ZDHHC3: variants seen among roughly 807,000 people sequenced by gnomAD.
ZDHHC3 encodes the protein zDHHC palmitoyltransferase 3, also known as palmitoyltransferase ZDHHC3.
A neutral mutation model predicts 30.6 loss-of-function variants in ZDHHC3; 9 were observed. That is an observed-to-expected ratio of 0.29 (90% CI 0.18 to 0.51). ZDHHC3 has a LOEUF of 0.51. ZDHHC3 is among the 20% of genes least tolerant of loss of function. The pLI, the probability that ZDHHC3 is intolerant of heterozygous loss-of-function variation, is 0.97. For missense variants in ZDHHC3, 246 were observed against 384.2 expected (o/e 0.64, Z 3.01); for synonymous variants, 136 against 140.2 (o/e 0.97, Z 0.21).
intron 3 of ZDHHC3, among the ~76,000 whole-genome samples, chr3:44,936,625 T>A (rs2125837347): frequency 6.6e-6 from 1 of 152,190 alleles, no homozygotes; most frequent in South Asian, 2.1e-4. Flanking sequence ...TCAACCTAAA[T>A]GATGACAGAT....
At position 44,939,292 on chromosome 3, in the gene ZDHHC3, T is replaced by C. The variant is rs576174743; in HGVS notation, c.432-5308A>G. ...TACCACTTTTAAAAATACACATGAA[T>C]ATACATATAAGTATACATGCAGAAT... On this transcript the variant is annotated intron_variant, in intron 3 of 6. Coordinates refer to ENST00000424952, the MANE Select transcript of ZDHHC3 (RefSeq NM_001135179.2). 2.0e-5 allele frequency among the ~76,000 whole-genome samples: 3 copies of C among 152,370 alleles called. No individual in the cohort carries two copies. The South Asian group carries it at 6.2e-4, about 32-fold the overall frequency.
At chr3:44,962,542 A>AGGAAGGAC (rs749711524) in intron 1 of ZDHHC3, among the ~76,000 whole-genome samples, 1 of 130,766 alleles carries the variant, frequency 7.6e-6, no homozygotes, top group Non-Finnish European at 1.6e-5. Flanking sequence ...GAAGGAAGGA[A>AGGAAGGAC]GGGGAGGGGA....
chr3:44,974,094 C>T (rs1318233073), intron 1 of ZDHHC3, among the ~76,000 whole-genome samples: 3 of 152,084 alleles, frequency 2.0e-5, no homozygotes, highest in South Asian at 2.1e-4. Flanking sequence ...GCATTTAAGC[C>T]GAATGATTAG....
intron 3 of ZDHHC3, among the ~76,000 whole-genome samples, chr3:44,935,112 C>A (rs1366458465): frequency 6.6e-6 from 1 of 152,020 alleles, no homozygotes; most frequent in Non-Finnish European, 1.5e-5. Context: ...CAACTGCTTC[C>A]CAAAGCTCAA....
At position 44,921,486 on chromosome 3, in the gene ZDHHC3, T is replaced by C. The variant is rs980550039; in HGVS notation, c.*5203A>G. On this transcript the variant is annotated 3_prime_UTR_variant, in exon 7 of 7. Transcript: ENST00000424952. ...TATACACACAACTCCCTAAGCTTCA[T>C]AAAACAATACTTATCCTGCAATATG... 2 of 985,346 alleles carry C rather than the reference T, an allele frequency of 2.0e-6. No individual in the cohort carries two copies. Among genetic ancestry groups the C allele is most frequent in the Non-Finnish European group, 2.4e-6 (2 of 829,944 alleles). The allele number at this position is 985,346 out of a possible 1,614,324, so 61.0% of individuals were successfully genotyped here. A position where few individuals can be genotyped will look rare whatever the true frequency, so the allele number is the denominator to read the frequency against.
chr3:44,921,189 C>T lies in ZDHHC3; in HGVS notation c.*5500G>A. On this transcript the variant is annotated 3_prime_UTR_variant, in exon 7 of 7. Coordinates refer to ENST00000424952, the MANE Select transcript of ZDHHC3 (RefSeq NM_001135179.2). ...AGCTGTGATCTGTGAACAAACTCAC[C>T]AACACTCCAAAATGAATGTATTAGG... 1 of 984,850 alleles carries T rather than the reference C, an allele frequency of 1.0e-6. No individual in the cohort carries two copies. The highest frequency in any genetic ancestry group is 1.2e-6 in the Non-Finnish European group (1 of 829,872). 61.0% of individuals were successfully genotyped at this position (984,850 alleles called of 1,614,324 possible). A position where few individuals can be genotyped will look rare whatever the true frequency, so the allele number is the denominator to read the frequency against.
At chr3:44,952,277 T>C (rs1410093697) in intron 2 of ZDHHC3, among the ~76,000 whole-genome samples, 2 of 151,924 alleles carry the variant, frequency 1.3e-5, no homozygotes, top group Non-Finnish European at 2.9e-5. Flanking sequence ...CCAGGTTAAT[T>C]CTGCCTCAGA....
At chr3:44,958,646 C>A (rs1264292572) in intron 2 of ZDHHC3, 2 of 1,536,012 alleles carry the variant, frequency 1.3e-6, no homozygotes, top group South Asian at 1.2e-5. Flanking sequence ...AAAAGATGCA[C>A]CTCGCCCAAG....
Position 44,918,723 on chromosome 3 carries a change from G to A in ZDHHC3, c.*7966C>T, listed in dbSNP as rs570808635. 3 of 992,100 alleles carry A rather than the reference G, an allele frequency of 3.0e-6. No homozygotes were observed. The African/African-American group carries it at 5.2e-5, about 17-fold the overall frequency. 61.5% of individuals were successfully genotyped at this position (992,100 alleles called of 1,614,324 possible). On this transcript the variant is annotated 3_prime_UTR_variant, in exon 7 of 7. Coordinates refer to ENST00000424952, the MANE Select transcript of ZDHHC3 (RefSeq NM_001135179.2). ...AGGGCACACAGGACCACTGTGGGGAGGTAAGGCTGGGCTCAGGCCTGCTCA... is the reference window on the plus strand; with the variant it reads ...AGGGCACACAGGACCACTGTGGGGAAGTAAGGCTGGGCTCAGGCCTGCTCA...
intron 3 of ZDHHC3, 149 bp from the exon 4 acceptor site, chr3:44,934,133 G>C (rs1321909483): frequency 1.1e-5 from 8 of 741,538 alleles, no homozygotes; most frequent in Non-Finnish European, 1.9e-5. Flanking sequence ...GTGTCACGTG[G>C]GGCTTGGGAG....
At chr3:44,949,361 T>C (rs1179151660) in intron 2 of ZDHHC3, among the ~76,000 whole-genome samples, 2 of 152,164 alleles carry the variant, frequency 1.3e-5, no homozygotes, top group Admixed American at 6.5e-5. Context: ...TGGTGGTACA[T>C]GTCTGTAATC....
rs1455640497 is a variant in ZDHHC3 at position 44,922,603 on chromosome 3, C to A, written c.*4086G>T. 2 of 985,290 alleles carry A rather than the reference C, an allele frequency of 2.0e-6. No individual in the cohort carries two copies. The highest frequency in any genetic ancestry group is 2.4e-6 in the Non-Finnish European group (2 of 829,936). The allele number at this position is 985,290 out of a possible 1,614,324, so 61.0% of individuals were successfully genotyped here. On this transcript the variant is annotated 3_prime_UTR_variant, in exon 7 of 7. Transcript: ENST00000424952. ...CTGCACTATGCTGAGCCCAGCAGCA[C>A]ACAAGACCCATATCACCAGCAGGCA... is the stretch of plus-strand genomic sequence containing the variant.
intron 3 of ZDHHC3, among the ~76,000 whole-genome samples, chr3:44,937,261 T>G (rs1448793040): frequency 3.3e-5 from 5 of 151,854 alleles, no homozygotes; most frequent in Non-Finnish European, 7.4e-5. Context: ...CTGGGCAGCA[T>G]GGCGAGACCC....
intron 1 of ZDHHC3, among the ~76,000 whole-genome samples, 167 bp downstream of exon 1, chr3:44,975,766 T>TCACACACACACACACA (rs1163057741): frequency 6.9e-6 from 1 of 144,346 alleles, no homozygotes; most frequent in Non-Finnish European, 1.5e-5. Flanking sequence ...TCTCTCTCTC[T>TCACACACACACACACA]CTCTCTCACA....
At chr3:44,930,090 C>A (rs1163895133) in intron 5 of ZDHHC3, among the ~76,000 whole-genome samples, 1 of 152,238 alleles carries the variant, frequency 6.6e-6, no homozygotes, top group Non-Finnish European at 1.5e-5. Flanking sequence ...ACCAAAGAGG[C>A]ATGGGCCCAG....
intron 1 of ZDHHC3, among the ~76,000 whole-genome samples, chr3:44,970,367 G>A (rs1292813766): frequency 6.6e-6 from 1 of 152,198 alleles, no homozygotes; most frequent in African/African-American, 2.4e-5. Flanking sequence ...GTGCTAAAGG[G>A]AATGAAGACT....
chr3:44,921,268 C>T lies in ZDHHC3; in HGVS notation c.*5421G>A, dbSNP rs890161589. 1.0e-6 allele frequency: 1 copy of T among 985,250 alleles called. No individual in the cohort carries two copies. The highest frequency in any genetic ancestry group is 1.2e-6 in the Non-Finnish European group (1 of 829,926). 61.0% of individuals were successfully genotyped at this position (985,250 alleles called of 1,614,324 possible). On this transcript the variant is annotated 3_prime_UTR_variant, in exon 7 of 7. Coordinates refer to ENST00000424952, the MANE Select transcript of ZDHHC3 (RefSeq NM_001135179.2). ...GTGCAGAACAGACTCAGCTGAGCCC[C>T]ACAGAACGAGAACAGGCTGTTCCCT...
chr3:44,945,308 A>C lies in ZDHHC3; in HGVS notation c.307-16T>G, dbSNP rs371725538. The C allele has an allele frequency of 4.3e-6, 7 of 1,614,128 alleles. No individual in the cohort carries two copies. Among genetic ancestry groups the C allele is most frequent in the Non-Finnish European group, 5.9e-6 (7 of 1,180,016 alleles). ...GCACTGCCCCCTGTAGGAAAGATGA[A>C]AGGTATCAGGGTTGGGCTGGGGGTT... On this transcript the variant is annotated splice_polypyrimidine_tract_variant and intron_variant, in intron 2 of 6. Transcript: ENST00000424952.
chr3:44,918,792 C>G lies in ZDHHC3; in HGVS notation c.*7897G>C. The G allele has an allele frequency of 1.0e-6, 1 of 987,244 alleles. No homozygotes were observed. Among genetic ancestry groups the G allele is most frequent in the Non-Finnish European group, 1.2e-6 (1 of 831,170 alleles). The allele number at this position is 987,244 out of a possible 1,614,324, so 61.2% of individuals were successfully genotyped here. On this transcript the variant is annotated 3_prime_UTR_variant, in exon 7 of 7. Transcript: ENST00000424952. ...CAGCCTCTTCCAAGCTGTCAACTCACCTGCCTCTGGGTGTCGGCTGCAACT... is the reference window on the plus strand; with the variant it reads ...CAGCCTCTTCCAAGCTGTCAACTCAGCTGCCTCTGGGTGTCGGCTGCAACT...
Sources: gnomAD v4.1 joint callset for allele counts (sites outside exome capture counted in the v4.1 genomes callset) on GRCh38, gnomAD v4.1.1 for gene constraint, MANE v1.5 for transcripts, NCBI Gene and HGNC (gene_info 2026-07-23, HGNC 2026-07-21) for gene names.